NPM1: variants seen among roughly 807,000 people sequenced by gnomAD.
NPM1 encodes the protein nucleophosmin 1, also known as nucleophosmin.
NPM1 carries 1 observed loss-of-function variant against 44.1 expected under a neutral mutation model. The observed-to-expected ratio is 0.02, with a 90% confidence interval of 0.01 to 0.11. The LOEUF (loss-of-function observed/expected upper bound fraction) is 0.11, where lower values mean the gene tolerates loss of function less well. NPM1 is among the 10% of genes least tolerant of loss of function. The pLI, the probability that NPM1 is intolerant of heterozygous loss-of-function variation, is 1.00. For synonymous variants in NPM1, 126 were observed against 111.8 expected (o/e 1.13, Z -0.80); for missense variants, 197 against 347.8 (o/e 0.57, Z 3.45).
At chr5:171,400,270 T>A in intron 7 of NPM1, 60 bp downstream of exon 7, 2 of 1,556,214 alleles carry the variant, frequency 1.3e-6, no homozygotes, top group South Asian at 2.3e-5. Flanking sequence ...GATTTTTTAG[T>A]GCTATTTGCT....
upstream of NPM1, chr5:171,387,710 G>C (rs928088383): frequency 3.5e-6 from 2 of 571,706 alleles, no homozygotes; most frequent in Admixed American, 6.3e-5. Context: ...AGGTAGAAAG[G>C]AGTGGGGTTG....
intron 9 of NPM1, among the ~76,000 whole-genome samples, chr5:171,406,207 TG>T (rs1458353960): frequency 2.0e-5 from 3 of 152,158 alleles, no homozygotes; most frequent in African/African-American, 7.2e-5. Flanking sequence ...GTAGATTCCT[TG>T]TACAGTGATA....
At chr5:171,393,001 G>C in intron 6 of NPM1, 23 bp downstream of exon 6, 1 of 1,603,230 alleles carries the variant, frequency 6.2e-7, no homozygotes, top group Non-Finnish European at 8.5e-7. Context: ...TTAGAAACTT[G>C]ATATACTTCC....
intron 6 of NPM1, among the ~76,000 whole-genome samples, chr5:171,399,776 GT>G (rs1771097343): frequency 6.6e-6 from 1 of 151,918 alleles, no homozygotes; most frequent in South Asian, 2.1e-4. Flanking sequence ...GGTATAGTGT[GT>G]ATTTATGCAA....
At chr5:171,389,965 G>C in intron 1 of NPM1, 86 bp from the exon 2 acceptor site, 1 of 764,962 alleles carries the variant, frequency 1.3e-6, no homozygotes, top group Non-Finnish European at 2.2e-6. Context: ...TAGTTCAAAA[G>C]TTAGACCTGA....
At chr5:171,394,676 G>A (rs148335702) in intron 6 of NPM1, among the ~76,000 whole-genome samples, 31 of 152,278 alleles carry the variant, frequency 2.0e-4, no homozygotes, top group African/African-American at 7.2e-4. Flanking sequence ...TGGGAAACAG[G>A]CTAAAAACAC....
chr5:171,406,189 T>C (rs545837156), intron 9 of NPM1, among the ~76,000 whole-genome samples: 1 of 152,292 alleles, frequency 6.6e-6, no homozygotes, highest in South Asian at 2.1e-4. Context: ...AGATTTTTCG[T>C]GGCTTCAGTA....
chr5:171,410,513 T>G lies in NPM1; in HGVS notation c.847-14T>G, dbSNP rs1414836717. On this transcript the variant is annotated splice_polypyrimidine_tract_variant and intron_variant, in intron 10 of 10. Coordinates refer to ENST00000296930, the MANE Select transcript of NPM1 (RefSeq NM_002520.7). ...TGTGGTTCCTTAACCACATTTCTTT[T>G]TTTTTTTTTCCAGGCTATTCAAGAT... 2 of 1,546,030 alleles carry G rather than the reference T, an allele frequency of 1.3e-6. No homozygotes were observed.
At chr5:171,396,846 G>A (rs553116930) in intron 6 of NPM1, among the ~76,000 whole-genome samples, 3 of 152,140 alleles carry the variant, frequency 2.0e-5, no homozygotes, top group Admixed American at 6.6e-5. Context: ...GATGGTGGGC[G>A]CTTGCAATCC....
chr5:171,388,633 A>G (rs1344846444), intron 1 of NPM1, among the ~76,000 whole-genome samples: 1 of 152,086 alleles, frequency 6.6e-6, no homozygotes, highest in Non-Finnish European at 1.5e-5. Flanking sequence ...TCCGGGACTC[A>G]CCGGCGTGTT....
chr5:171,395,962 A>ATTTTTTTTTTTTTTTTTTTTTTT (rs200119475), intron 6 of NPM1, among the ~76,000 whole-genome samples: 1 of 133,440 alleles, frequency 7.5e-6, no homozygotes. Flanking sequence ...AGTAAAGCTG[A>ATTTTTTTTTTTTTTTTTTTTTTT]ATTTTTTTTT....
At chr5:171,387,819 G>A, upstream of NPM1, 5 of 839,274 alleles carry the variant, frequency 6.0e-6, no homozygotes, top group South Asian at 3.1e-5. Flanking sequence ...GATCTTCAGG[G>A]TCTATATATA....
chr5:171,410,574 T>G lies in NPM1; in HGVS notation c.*9T>G. 1.3e-6 allele frequency: 2 copies of G among 1,521,300 alleles called. No homozygotes were observed. The allele number at this position is 1,521,300 out of a possible 1,614,324, so 94.2% of individuals were successfully genotyped here. A position where few individuals can be genotyped will look rare whatever the true frequency, so the allele number is the denominator to read the frequency against. ...GGAGGAAGTCTCTTTAAGAAAATAG[T>G]TTAAACAATTTGTTAAAAAATTTTC... On this transcript the variant is annotated 3_prime_UTR_variant, in exon 11 of 11. Coordinates refer to ENST00000296930, the MANE Select transcript of NPM1 (RefSeq NM_002520.7).
chr5:171,392,586 C>CTTTTTT lies in NPM1; in HGVS notation c.353-112_353-107dup. ...TAAAAAGTTCCTTTTCCCATGTGCT[C>CTTTTTT]TTTTTTTTTTTTTTTTTAAATAGAA... is the stretch of plus-strand genomic sequence containing the variant. On this transcript the variant is annotated intron_variant, in intron 4 of 10. Coordinates refer to ENST00000296930, the MANE Select transcript of NPM1 (RefSeq NM_002520.7). 3 of 450,642 alleles carry CTTTTTT rather than the reference C, an allele frequency of 6.7e-6. No individual in the cohort carries two copies. The East Asian group carries it at 1.1e-4, about 16-fold the overall frequency. The allele number at this position is 450,642 out of a possible 1,614,324, so 27.9% of individuals were successfully genotyped here.
At position 171,403,884 on chromosome 5, in the gene NPM1, C is replaced by T. The variant is rs867566829; in HGVS notation, c.670-1418C>T. Among the ~76,000 whole-genome samples the T allele has an allele frequency of 5.3e-3, 291 of 55,104 alleles. 32 individuals are homozygous for T. The highest frequency in any genetic ancestry group is 0.018 in the African/African-American group (267 of 14,566). The allele number at this position is 55,104 out of a possible 152,430, so 36.2% of individuals were successfully genotyped here. A position where few individuals can be genotyped will look rare whatever the true frequency, so the allele number is the denominator to read the frequency against. On this transcript the variant is annotated intron_variant, in intron 8 of 10. Transcript: ENST00000296930. ...AGGGCTGACCCCCCCACCTCCCTCC[C>T]GGACGGGGCGGCCGGCCAGGCGGGG...
upstream of NPM1, chr5:171,387,718 T>C (rs1770294546): frequency 3.5e-6 from 2 of 563,926 alleles, no homozygotes; most frequent in Non-Finnish European, 6.3e-6. Flanking sequence ...AGGAGTGGGG[T>C]TGAAAAGCGC....
chr5:171,387,962 T>C lies in NPM1; in HGVS notation c.14T>C (p.Met5Thr). 1 of 1,611,150 alleles carries C rather than the reference T, an allele frequency of 6.2e-7. No homozygotes were observed. The highest frequency in any genetic ancestry group is 8.5e-7 in the Non-Finnish European group (1 of 1,179,224). MEDSMDMDMSPLRPQ... is the reference protein window; with the variant it reads MEDSTDMDMSPLRPQ... Reference sequence around the variant, plus strand: ...TGCCGCCACCCGATGGAAGATTCGATGGACATGGACATGAGCCCCCTGAGG... The same window carrying C: ...TGCCGCCACCCGATGGAAGATTCGACGGACATGGACATGAGCCCCCTGAGG... The change falls in exon 1 of 11, where the codon ATG becomes ACG. Residue 5 changes from methionine to threonine, a missense_variant. Physicochemically the swap from Met to Thr is moderately conservative, Grantham distance 81 (BLOSUM62 -1). Around this residue, in one of 5 missense-constraint regions of NPM1, gnomAD observed 14 missense variants for 16.2 expected, o/e 0.87. Transcript: ENST00000296930.
At position 171,410,893 on chromosome 5, in the gene NPM1, T is replaced by A. The variant is rs537270775; in HGVS notation, c.*328T>A. 4.0e-6 allele frequency: 1 copy of A among 251,842 alleles called. No homozygotes were observed. Among genetic ancestry groups the A allele is most frequent in the African/African-American group, 2.2e-5 (1 of 45,540 alleles). 15.6% of individuals were successfully genotyped at this position (251,842 alleles called of 1,614,324 possible). ...AGTATTTTAATAAAGTAGCACGGTT[T>A]CTATTGACTTATTTAACTGCTTTAT... On this transcript the variant is annotated 3_prime_UTR_variant, in exon 11 of 11. Transcript: ENST00000296930.
intron 8 of NPM1, among the ~76,000 whole-genome samples, chr5:171,401,700 TCA>T (rs1771212421): frequency 6.6e-6 from 1 of 152,188 alleles, no homozygotes; most frequent in Non-Finnish European, 1.5e-5. Flanking sequence ...CCTGGGCCTC[TCA>T]AAGTGTGTGA....
Sources: allele counts gnomAD v4.1 joint callset (sites outside exome capture counted in the v4.1 genomes callset), GRCh38; gene constraint gnomAD v4.1.1; regional missense constraint gnomAD v4.1.1; transcripts MANE v1.5; gene names NCBI Gene and HGNC (gene_info 2026-07-23, HGNC 2026-07-21).